The following FREM2 variants were observed in gnomAD, a reference collection of about 807,000 sequenced individuals.
FREM2 encodes the protein FRAS1 related extracellular matrix 2, also known as FRAS1-related extracellular matrix protein 2.
In FREM2, 119 loss-of-function variants were observed where a neutral mutation model predicts 219.9. The ratio of observed to expected loss-of-function variants is 0.54; its 90% confidence interval spans 0.47 to 0.63. The LOEUF (loss-of-function observed/expected upper bound fraction) is 0.63. Ranked by LOEUF, FREM2 falls within the 30% of genes least tolerant of loss-of-function variation. The pLI is 0.00. For missense variants in FREM2, 4,030 were observed against 3,993.6 expected (o/e 1.01, Z -0.25); for synonymous variants, 1,562 against 1,522.8 (o/e 1.03, Z -0.60).
rs781385468 is a variant in FREM2 at position 38,689,179 on chromosome 13, TCC to T, written c.1836_1837del (p.Arg613ProfsTer7). On this transcript the variant is annotated frameshift_variant, in exon 1 of 24. Coordinates refer to ENST00000280481, the MANE Select transcript of FREM2 (RefSeq NM_207361.6). LOFTEE classifies it high-confidence loss of function. ...TTCTTAACTACGGGGCATCTGCTTCTCCGCCAAACTCACCCTCCCCATGAGAA... is the reference window on the plus strand; with the variant it reads ...TTCTTAACTACGGGGCATCTGCTTCTGCCAAACTCACCCTCCCCATGAGAA... 6.2e-7 allele frequency: 1 copy of T among 1,614,088 alleles called. No homozygotes were observed. Among genetic ancestry groups the T allele is most frequent in the South Asian group, 1.1e-5 (1 of 91,078 alleles).
intron 2 of FREM2, among the ~76,000 whole-genome samples, chr13:38,713,004 C>T (rs117631425): frequency 0.018 from 2,722 of 152,258 alleles, 27 homozygotes; most frequent in Non-Finnish European, 0.027. Flanking sequence ...CTCCCCCATC[C>T]TCTGTCCAAA....
rs867367416 is a variant in FREM2 at position 38,789,141 on chromosome 13, G to C, written c.6019+4333G>C. Among the ~76,000 whole-genome samples the C allele has an allele frequency of 2.3e-4, 35 of 151,898 alleles. 1 individual carries two copies. Among genetic ancestry groups the C allele is most frequent in the Admixed American group, 1.6e-3 (24 of 15,256 alleles). On this transcript the variant is annotated intron_variant, in intron 6 of 23. Transcript: ENST00000280481. ...TAATGGCCTCATTAATTGAGTTGAG[G>C]TACTATCTTCCTTCTTTAATCTGTA...
intron 2 of FREM2, among the ~76,000 whole-genome samples, chr13:38,727,434 A>G (rs139489779): frequency 0.064 from 9,718 of 152,244 alleles, 842 homozygotes; most frequent in African/African-American, 0.2. Flanking sequence ...AGCTGAGATC[A>G]TGCCACTGCA....
At chr13:38,843,253 T>A (rs1877025951) in intron 6 of FREM2, among the ~76,000 whole-genome samples, 1 of 150,110 alleles carries the variant, frequency 6.7e-6, no homozygotes, top group South Asian at 2.1e-4. Context: ...CTCCACTGAT[T>A]GTTTTATCCA....
intron 6 of FREM2, among the ~76,000 whole-genome samples, chr13:38,830,200 CTG>C (rs561878078): frequency 8.7e-4 from 132 of 152,226 alleles, no homozygotes; most frequent in Middle Eastern, 3.4e-3. Context: ...AGGAAAATGA[CTG>C]TGTACCAGAA....
chr13:38,776,663 A>C (rs188980891), intron 4 of FREM2, among the ~76,000 whole-genome samples: 54 of 152,308 alleles, frequency 3.5e-4, no homozygotes, highest in Admixed American at 4.6e-4. Flanking sequence ...AAAGTAACAC[A>C]TGTTCATTGT....
intron 6 of FREM2, among the ~76,000 whole-genome samples, chr13:38,795,881 A>G (rs574238288): frequency 6.6e-6 from 1 of 152,076 alleles, no homozygotes; most frequent in Non-Finnish European, 1.5e-5. Context: ...CACTTAACTT[A>G]ATAACCTCCA....
rs141204826 is a variant in FREM2, at chr13:38,804,034, C to T, written c.6019+19226C>T. ...ACGCTTGCAAGCTCCCAAAAACTAA[C>T]GGCAGAACAGTCATTATAAGAAATG... On this transcript the variant is annotated intron_variant, in intron 6 of 23. Transcript: ENST00000280481. Among the ~76,000 whole-genome samples the T allele has an allele frequency of 7.9e-5, 12 of 151,936 alleles. No homozygotes were observed. The East Asian group carries it at 2.1e-3, about 27-fold the overall frequency.
intron 6 of FREM2, among the ~76,000 whole-genome samples, chr13:38,803,893 G>T (rs971809620): frequency 1.3e-5 from 2 of 151,876 alleles, no homozygotes; most frequent in Non-Finnish European, 2.9e-5. Flanking sequence ...CATTTCTAGT[G>T]CTAGAAAAAT....
intron 14 of FREM2, among the ~76,000 whole-genome samples, chr13:38,860,193 G>A (rs1286727542): frequency 6.6e-6 from 1 of 152,120 alleles, no homozygotes. Context: ...TGTTGGGTGA[G>A]TAGGATTTTG....
intron 2 of FREM2, among the ~76,000 whole-genome samples, chr13:38,737,207 G>T (rs1221872977): frequency 6.6e-6 from 1 of 152,088 alleles, no homozygotes; most frequent in African/African-American, 2.4e-5. Context: ...CTTGAATGTG[G>T]CAAATTTTCA....
intron 16 of FREM2, among the ~76,000 whole-genome samples, chr13:38,870,287 G>A (rs1431406277): frequency 6.6e-6 from 1 of 152,114 alleles, no homozygotes; most frequent in Non-Finnish European, 1.5e-5. Flanking sequence ...CCAGTGTGTA[G>A]CAGAATAAAT....
At position 38,883,617 on chromosome 13, in the gene FREM2, T is replaced by C. The variant is rs956754765; in HGVS notation, c.*2830T>C. 4 of 152,214 alleles carry C rather than the reference T, an allele frequency of 2.6e-5. No individual in the cohort carries two copies. The highest frequency in any genetic ancestry group is 9.6e-5 in the African/African-American group (4 of 41,462). The allele number at this position is 152,214 out of a possible 1,614,324, so 9.4% of individuals were successfully genotyped here. On this transcript the variant is annotated 3_prime_UTR_variant, in exon 24 of 24. Transcript: ENST00000280481. ...TTTGCCCTTAGTTAACATTTACTGG[T>C]GCTCACCTAGGATTGGCTATTCTGA...
At position 38,688,693 on chromosome 13, in the gene FREM2, A is replaced by T. The variant is rs757304008; in HGVS notation, c.1349A>T (p.Tyr450Phe). The T allele has an allele frequency of 6.2e-7, 1 of 1,614,056 alleles. No homozygotes were observed. The highest frequency in any genetic ancestry group is 1.1e-5 in the South Asian group (1 of 91,080). Reference protein sequence around the residue: ...VVTRNTGLILYEGQSRPLTGP... With the variant: ...VVTRNTGLILFEGQSRPLTGP... ...ACCCGGAATACCGGTCTTATTCTCT[A>T]TGAGGGTCAGTCTCGGCCCCTCACA... Residue 450 changes from tyrosine (Y) to phenylalanine (F), a missense_variant, in exon 1 of 24, where the codon TAT (tyrosine) becomes TTT (phenylalanine). Physicochemically the swap from Tyr to Phe is conservative, Grantham distance 22. Around this residue, in one of 2 missense-constraint regions of FREM2, gnomAD observed 3,102 missense variants for 2,950.7 expected, o/e 1.05. Coordinates refer to ENST00000280481, the MANE Select transcript of FREM2 (RefSeq NM_207361.6).
intron 6 of FREM2, among the ~76,000 whole-genome samples, chr13:38,819,727 A>G (rs2137875068): frequency 6.6e-6 from 1 of 152,316 alleles, no homozygotes; most frequent in East Asian, 1.9e-4. Context: ...TAATACACAT[A>G]TGCACATACA....
At position 38,687,315 on chromosome 13, in the gene FREM2, C is replaced by A. The variant is rs754294545; in HGVS notation, c.-30C>A. The stretch of plus-strand genomic sequence containing the variant: ...GGGACCGACTTCGCATGCTCTCAGG[C>A]TGACCTGTCCAAGCCCGAACACCGG... On this transcript the variant is annotated 5_prime_UTR_variant, in exon 1 of 24. In the 5' UTR this introduces an upstream ATG that the reference lacks. Coordinates refer to ENST00000280481, the MANE Select transcript of FREM2 (RefSeq NM_207361.6). The A allele has an allele frequency of 1.3e-6, 2 of 1,576,584 alleles. No individual in the cohort carries two copies. Among genetic ancestry groups the A allele is most frequent in the Non-Finnish European group, 1.7e-6 (2 of 1,161,058 alleles).
intron 16 of FREM2, among the ~76,000 whole-genome samples, chr13:38,869,171 G>C (rs1878073340): frequency 6.6e-6 from 1 of 152,158 alleles, no homozygotes; most frequent in African/African-American, 2.4e-5. Flanking sequence ...TGTGTTCTTA[G>C]TAGCTAAAGC....
At position 38,855,301 on chromosome 13, in the gene FREM2, G is replaced by T. The variant is rs543395057; in HGVS notation, c.6926-825G>T. On this transcript the variant is annotated intron_variant, in intron 11 of 23. Coordinates refer to ENST00000280481, the MANE Select transcript of FREM2 (RefSeq NM_207361.6). ...AGAAGTCTTCTTGAAATATAATTTG[G>T]TATTTTATAAAAAAGTCAACAATTA... Among the ~76,000 whole-genome samples, 4 of 152,058 alleles carry T rather than the reference G, an allele frequency of 2.6e-5. No homozygotes were observed. The East Asian group carries it at 7.7e-4, about 29-fold the overall frequency.
intron 6 of FREM2, among the ~76,000 whole-genome samples, chr13:38,814,850 C>T (rs1249779382): frequency 2.0e-5 from 3 of 152,196 alleles, no homozygotes; most frequent in Non-Finnish European, 2.9e-5. Context: ...CCACCACCAC[C>T]ACTGATCCAT....
Sources: allele counts gnomAD v4.1 joint callset (sites outside exome capture counted in the v4.1 genomes callset), GRCh38; gene constraint gnomAD v4.1.1; regional missense constraint gnomAD v4.1.1; transcripts MANE v1.5; gene names NCBI Gene and HGNC (gene_info 2026-07-23, HGNC 2026-07-21).